The following SELENOF variants were observed in gnomAD, a reference collection of about 807,000 sequenced individuals.
SELENOF encodes the protein 15 kDa selenoprotein.
Under a neutral mutation model 20.5 loss-of-function variants are expected in SELENOF, and 16 were observed. That is an observed-to-expected ratio of 0.78 (90% CI 0.53 to 1.19). The LOEUF is 1.19. Among genes scored for constraint, SELENOF ranks in the 50% most tolerant of loss-of-function variants. The pLI is 0.00. For synonymous variants in SELENOF, 78 were observed against 74.5 expected (o/e 1.05, Z -0.24); for missense variants, 215 against 194.2 (o/e 1.11, Z -0.64).
chr1:86,900,989 C>G (rs1237909752), intron 2 of SELENOF, among the ~76,000 whole-genome samples: 1 of 152,154 alleles, frequency 6.6e-6, no homozygotes, highest in African/African-American at 2.4e-5. Flanking sequence ...GCCTCCCAGG[C>G]TCAAGCTATC....
intron 3 of SELENOF, among the ~76,000 whole-genome samples, chr1:86,878,455 G>A (rs1418208850): frequency 2.0e-5 from 3 of 152,320 alleles, no homozygotes; most frequent in South Asian, 2.1e-4. Flanking sequence ...CAAGGCAGGC[G>A]GATCACCTGA....
chr1:86,899,250 T>C (rs983379543), intron 2 of SELENOF, among the ~76,000 whole-genome samples: 4 of 151,250 alleles, frequency 2.6e-5, no homozygotes, highest in Non-Finnish European at 4.4e-5. Context: ...CCGCTTTCTA[T>C]TCCACAAAAC....
chr1:86,907,223 C>T (rs972259830), intron 1 of SELENOF, among the ~76,000 whole-genome samples: 1 of 152,158 alleles, frequency 6.6e-6, no homozygotes, highest in African/African-American at 2.4e-5. Flanking sequence ...TAGCATCCCG[C>T]CCAGTACACA....
At chr1:86,879,021 T>C (rs369922874) in intron 3 of SELENOF, among the ~76,000 whole-genome samples, 146 of 152,282 alleles carry the variant, frequency 9.6e-4, no homozygotes, top group African/African-American at 3.3e-3. Context: ...TACCCAAGGT[T>C]TGATAATTTA....
chr1:86,900,163 G>A (rs1480034024), intron 2 of SELENOF, among the ~76,000 whole-genome samples: 86 of 152,048 alleles, frequency 5.7e-4, no homozygotes, highest in African/African-American at 2.0e-3. Flanking sequence ...AGGCGGAGAC[G>A]CTCCTCACTT....
At chr1:86,870,621 AT>A (rs1242292736) in intron 3 of SELENOF, among the ~76,000 whole-genome samples, 36 of 133,556 alleles carry the variant, frequency 2.7e-4, no homozygotes, top group African/African-American at 1.1e-3. Flanking sequence ...ACTTATTAAA[AT>A]ATTTTTTTTT....
At chr1:86,908,886 G>T (rs373376995) in intron 1 of SELENOF, among the ~76,000 whole-genome samples, 1 of 152,114 alleles carries the variant, frequency 6.6e-6, no homozygotes, top group African/African-American at 2.4e-5. Flanking sequence ...AAGCATACTC[G>T]ATGTATTTTC....
intron 1 of SELENOF, among the ~76,000 whole-genome samples, chr1:86,906,723 G>A (rs1273475095): frequency 6.6e-6 from 1 of 152,168 alleles, no homozygotes; most frequent in Non-Finnish European, 1.5e-5. Flanking sequence ...ACCACCTTCA[G>A]ATTTCAGGCC....
intron 1 of SELENOF, among the ~76,000 whole-genome samples, chr1:86,907,285 C>T (rs1659855042): frequency 6.6e-6 from 1 of 152,174 alleles, no homozygotes; most frequent in Admixed American, 6.5e-5. Flanking sequence ...TGTGAAAGCA[C>T]ACTTAAAAAT....
chr1:86,863,482 G>T lies in SELENOF; in HGVS notation c.490C>A (p.Arg164Ser). The T allele has an allele frequency of 1.2e-6, 2 of 1,611,150 alleles. No individual in the cohort carries two copies. The highest frequency in any genetic ancestry group is 1.7e-6 in the Non-Finnish European group (2 of 1,178,766). Residue 164 changes from arginine (R) to serine (S), a missense_variant, in exon 5 of 5, where the codon CGC (arginine) becomes AGC (serine). Physicochemically the swap from Arg to Ser is moderately radical, Grantham distance 110. Coordinates refer to ENST00000331835, the MANE Select transcript of SELENOF (RefSeq NM_004261.5). ...CAAAATTTAAGCAAGATTTATATGC[G>T]TTCCAACTTTTCACTCAGGAATTCT... is the stretch of plus-strand genomic sequence containing the variant. ...VEEFLSEKLE[R>S]I
At chr1:86,864,224 T>G (rs1380199366) in intron 4 of SELENOF, among the ~76,000 whole-genome samples, 2 of 152,240 alleles carry the variant, frequency 1.3e-5, no homozygotes, top group Non-Finnish European at 2.9e-5. Flanking sequence ...TTAACAAATC[T>G]AATGATTTTA....
At chr1:86,871,722 A>G (rs542666393) in intron 3 of SELENOF, among the ~76,000 whole-genome samples, 1 of 152,328 alleles carries the variant, frequency 6.6e-6, no homozygotes, top group Non-Finnish European at 1.5e-5. Flanking sequence ...TGAATGAGAA[A>G]AAAACTCAAG....
At chr1:86,895,470 C>T (rs1203424771) in intron 2 of SELENOF, among the ~76,000 whole-genome samples, 1 of 152,184 alleles carries the variant, frequency 6.6e-6, no homozygotes, top group Non-Finnish European at 1.5e-5. Flanking sequence ...TGCATATTAA[C>T]TTATTTAATC....
chr1:86,900,914 T>A (rs526600), intron 2 of SELENOF, among the ~76,000 whole-genome samples: 150,243 of 152,216 alleles, frequency 0.99, 74,155 homozygotes, highest in Middle Eastern at 1. Flanking sequence ...CTTTTTTGAG[T>A]CAGGGTCTCT....
At chr1:86,874,767 G>A (rs973920066) in intron 3 of SELENOF, among the ~76,000 whole-genome samples, 6 of 151,938 alleles carry the variant, frequency 3.9e-5, no homozygotes, top group African/African-American at 9.7e-5. Flanking sequence ...AAATATACTC[G>A]GACAAAATAT....
At chr1:86,880,538 G>A in intron 3 of SELENOF, 124 bp downstream of exon 3, 2 of 525,138 alleles carry the variant, frequency 3.8e-6, no homozygotes, top group Non-Finnish European at 6.7e-6. Context: ...TGAAAAAAAA[G>A]CATATATTGT....
chr1:86,870,854 C>T lies in SELENOF; in HGVS notation c.317-2752G>A, dbSNP rs61574662. Among the ~76,000 whole-genome samples, 534 of 152,118 alleles carry T rather than the reference C, an allele frequency of 3.5e-3. 2 individuals are homozygous for T. Among genetic ancestry groups the T allele is most frequent in the African/African-American group, 0.012 (516 of 41,502 alleles). On this transcript the variant is annotated intron_variant, in intron 3 of 4. Coordinates refer to ENST00000331835, the MANE Select transcript of SELENOF (RefSeq NM_004261.5). ...CAGGATGGTCTCAATCTCCTGACCT[C>T]GTGATCTGCCCACCTCGGCCTCCCA...
rs760384056 is a variant in SELENOF at position 86,903,350 on chromosome 1, G to A, written c.183C>T (p.Phe61=). Residue 61 remains phenylalanine (F), a synonymous_variant, in exon 2 of 5, where the codon TTC becomes TTT. Coordinates refer to ENST00000331835, the MANE Select transcript of SELENOF (RefSeq NM_004261.5). The part of the protein sequence containing the change: ...LCSSCDLLGQ[F]NLLQLDPDCR... ...AATCAGGATCCAGCTGAAGCAGGTT[G>A]AACTGTCCGAGAAGATCACAAGAGC... 3.7e-6 allele frequency: 6 copies of A among 1,612,174 alleles called. No homozygotes were observed. The African/African-American group carries it at 8.0e-5, about 22-fold the overall frequency.
At chr1:86,908,863 C>T (rs1465243400) in intron 1 of SELENOF, among the ~76,000 whole-genome samples, 1 of 152,164 alleles carries the variant, frequency 6.6e-6, no homozygotes, top group African/African-American at 2.4e-5. Flanking sequence ...TATCACTTTT[C>T]TATTGCTTAT....
Sources: gnomAD v4.1 joint callset for allele counts (sites outside exome capture counted in the v4.1 genomes callset) on GRCh38, gnomAD v4.1.1 for gene constraint, MANE v1.5 for transcripts, NCBI Gene and HGNC (gene_info 2026-07-23, HGNC 2026-07-21) for gene names.